The following LGR6 variants were observed in gnomAD, a reference collection of about 807,000 sequenced individuals.
LGR6 encodes leucine rich repeat containing G protein-coupled receptor 6, also known as leucine-rich repeat-containing G protein-coupled receptor 6.
LGR6 carries 45 observed loss-of-function variants against 69.4 expected under a neutral mutation model. The observed-to-expected ratio is 0.65, with a 90% confidence interval of 0.51 to 0.83. The LOEUF (loss-of-function observed/expected upper bound fraction) is 0.83. LGR6 is among the 40% of genes least tolerant of loss of function. The pLI is 0.00. For synonymous variants in LGR6, 538 were observed against 555.0 expected (o/e 0.97, Z 0.43); for missense variants, 1,108 against 1,246.7 (o/e 0.89, Z 1.68).
rs1667536254 is a variant in LGR6, at chr1:202,300,861, C to T, written c.798C>T (p.Asn266=). The change falls in exon 8 of 18, where the codon AAC becomes AAT. Residue 266 remains asparagine (N), a synonymous_variant. Transcript: ENST00000367278. The part of the protein sequence containing the change: ...LGRLQELGFH[N]NNIKAIPEKA... ...TGTTGTCTTCCAGGGGGTTCCATAA[C>T]AACAACATCAAGGCCATCCCAGAAA... The T allele has an allele frequency of 6.2e-7, 1 of 1,611,224 alleles. No individual in the cohort carries two copies. The highest frequency in any genetic ancestry group is 8.5e-7 in the Non-Finnish European group (1 of 1,178,780).
intron 15 of LGR6, 89 bp from the exon 16 acceptor site, chr1:202,310,108 C>A: frequency 7.4e-7 from 1 of 1,354,738 alleles, no homozygotes. Flanking sequence ...GAGTGCCCAG[C>A]CCCTGGGTTG....
chr1:202,198,829 CAG>C (rs1446651031), intron 1 of LGR6, among the ~76,000 whole-genome samples: 2 of 152,066 alleles, frequency 1.3e-5, no homozygotes, highest in South Asian at 2.1e-4. Context: ...GCAGCCTTAA[CAG>C]GGGAGAGCCA....
chr1:202,194,272 G>A (rs994898661), intron 1 of LGR6, 71 bp downstream of exon 1: 7 of 1,159,818 alleles, frequency 6.0e-6, no homozygotes, highest in Non-Finnish European at 8.3e-6. Context: ...GGCCTCAGCA[G>A]GGCACCTGCT....
At chr1:202,237,856 C>G (rs1661717174) in intron 4 of LGR6, among the ~76,000 whole-genome samples, 1 of 152,058 alleles carries the variant, frequency 6.6e-6, no homozygotes, top group South Asian at 2.1e-4. Flanking sequence ...TGGCTCTGAT[C>G]GTGACTACTG....
intron 1 of LGR6, among the ~76,000 whole-genome samples, chr1:202,222,669 A>C (rs1337327230): frequency 6.6e-6 from 1 of 152,156 alleles, no homozygotes; most frequent in African/African-American, 2.4e-5. Flanking sequence ...GATCTGGCCC[A>C]GCTTCTGCGC....
intron 4 of LGR6, among the ~76,000 whole-genome samples, chr1:202,263,420 G>A (rs1293494108): frequency 6.6e-6 from 1 of 152,102 alleles, no homozygotes; most frequent in Non-Finnish European, 1.5e-5. Context: ...CACCGCGCCC[G>A]GCCAGCATAC....
intron 1 of LGR6, chr1:202,197,037 G>C: frequency 3.7e-6 from 2 of 533,336 alleles, no homozygotes; most frequent in South Asian, 2.8e-5. Flanking sequence ...TAGCAGGCCA[G>C]AGAAGACTCG....
intron 4 of LGR6, among the ~76,000 whole-genome samples, chr1:202,261,418 A>AT (rs1391884717): frequency 6.6e-6 from 1 of 151,998 alleles, no homozygotes; most frequent in East Asian, 1.9e-4. Context: ...TGAACTCATC[A>AT]TTTTTTATGG....
intron 4 of LGR6, among the ~76,000 whole-genome samples, chr1:202,244,069 T>A (rs1215954961): frequency 6.6e-6 from 1 of 152,168 alleles, no homozygotes; most frequent in Non-Finnish European, 1.5e-5. Context: ...GCAATTCTCC[T>A]GCCTCAGCCT....
rs372287043 is a variant in LGR6, at chr1:202,280,798, G to T, written c.662G>T (p.Arg221Leu). Reference protein sequence around the residue: ...SLVVLHLHNNRIQHLGTHSFE... With the variant: ...SLVVLHLHNNLIQHLGTHSFE... ...CCGTGCAGGCATTTGCATAACAACCGCATCCAGCATCTGGGGACCCACAGC... is the reference window on the plus strand; with the variant it reads ...CCGTGCAGGCATTTGCATAACAACCTCATCCAGCATCTGGGGACCCACAGC... Residue 221 changes from arginine (R) to leucine (L), a missense_variant, in exon 6 of 18, where the codon CGC becomes CTC. Transcript: ENST00000367278. 1 of 1,614,008 alleles carries T rather than the reference G, an allele frequency of 6.2e-7. No individual in the cohort carries two copies. The highest frequency in any genetic ancestry group is 1.3e-5 in the African/African-American group (1 of 74,910).
chr1:202,238,585 G>A (rs1396410709), intron 4 of LGR6, among the ~76,000 whole-genome samples: 3 of 151,332 alleles, frequency 2.0e-5, no homozygotes, highest in African/African-American at 7.3e-5. Context: ...TACCACGCCC[G>A]TCTAATTTTT....
chr1:202,213,646 T>C (rs1275742990), intron 1 of LGR6, among the ~76,000 whole-genome samples: 1 of 152,106 alleles, frequency 6.6e-6, no homozygotes, highest in East Asian at 1.9e-4. Context: ...TACATGCAGG[T>C]GAGGAGAGGG....
intron 1 of LGR6, among the ~76,000 whole-genome samples, chr1:202,218,107 G>A (rs1402597533): frequency 1.3e-5 from 2 of 152,170 alleles, no homozygotes; most frequent in East Asian, 1.9e-4. Flanking sequence ...AATCTGGTGG[G>A]TGGAAAGAGC....
At chr1:202,304,334 C>T (rs1436196417) in intron 10 of LGR6, among the ~76,000 whole-genome samples, 1 of 152,132 alleles carries the variant, frequency 6.6e-6, no homozygotes, top group African/African-American at 2.4e-5. Flanking sequence ...TCTCTCCACT[C>T]CCCTCCCCCA....
At chr1:202,274,324 T>C (rs2993445) in intron 4 of LGR6, among the ~76,000 whole-genome samples, 71,633 of 152,050 alleles carry the variant, frequency 0.47, 17,809 homozygotes, top group East Asian at 0.7. Flanking sequence ...GTGCTGCGAG[T>C]TCACAGCTGA....
intron 16 of LGR6, 78 bp downstream of exon 16, chr1:202,310,435 G>A: frequency 1.4e-6 from 2 of 1,422,222 alleles, no homozygotes; most frequent in South Asian, 2.5e-5. Flanking sequence ...TGGGGGACCT[G>A]AGAGGGAATC....
At chr1:202,210,428 G>GA (rs57478369) in intron 1 of LGR6, among the ~76,000 whole-genome samples, 46,495 of 131,494 alleles carry the variant, frequency 0.35, 8,253 homozygotes, top group Non-Finnish European at 0.43. Context: ...GTACAGAGCA[G>GA]AAAAAAAAAA....
chr1:202,214,136 C>T (rs759361826), intron 1 of LGR6: 1 of 1,479,888 alleles, frequency 6.8e-7, no homozygotes, highest in Non-Finnish European at 8.9e-7. Flanking sequence ...AACTGGCACT[C>T]GAGGTCCCAG....
At chr1:202,236,443 A>G (rs890987165) in intron 4 of LGR6, 9 of 176,092 alleles carry the variant, frequency 5.1e-5, no homozygotes, top group African/African-American at 9.6e-5. Context: ...CATTTTCTCT[A>G]CTTGGGGGTG....
Sources: allele counts gnomAD v4.1 joint callset (sites outside exome capture counted in the v4.1 genomes callset), GRCh38; gene constraint gnomAD v4.1.1; transcripts MANE v1.5; gene names NCBI Gene and HGNC (gene_info 2026-07-23, HGNC 2026-07-21).